The following LRRTM4 variants were observed in gnomAD, a reference collection of about 807,000 sequenced individuals.
LRRTM4 encodes the protein leucine-rich repeat transmembrane neuronal protein 4.
A neutral mutation model predicts 47.6 loss-of-function variants in LRRTM4; 25 were observed. The ratio of observed to expected loss-of-function variants is 0.53; its 90% CI spans 0.38 to 0.73. The LOEUF is 0.73. Ranked by LOEUF, LRRTM4 falls within the 30% of genes least tolerant of loss-of-function variation. The pLI, the probability that LRRTM4 is intolerant of heterozygous loss-of-function variation, is 0.00. For synonymous variants in LRRTM4, 311 were observed against 269.5 expected (o/e 1.15, Z -1.51); for missense variants, 638 against 713.4 (o/e 0.89, Z 1.20).
intron 3 of LRRTM4, among the ~76,000 whole-genome samples, chr2:76,775,905 G>A (rs1274121952): frequency 5.1e-4 from 35 of 68,360 alleles, no homozygotes; most frequent in South Asian, 1.2e-3. Flanking sequence ...TATCCCTCCC[G>A]CCTCCCCCCA....
chr2:77,295,421 G>A (rs541291183), intron 3 of LRRTM4, among the ~76,000 whole-genome samples: 6 of 152,158 alleles, frequency 3.9e-5, no homozygotes, highest in South Asian at 4.2e-4. Flanking sequence ...GAGCTCTTAC[G>A]TTTGTCACCA....
At chr2:76,958,553 T>C (rs1332703203) in intron 3 of LRRTM4, among the ~76,000 whole-genome samples, 9 of 151,742 alleles carry the variant, frequency 5.9e-5, no homozygotes, top group Admixed American at 5.9e-4. Context: ...TCCATTTCCA[T>C]ACAAGATCCT....
At chr2:76,868,354 T>C (rs1672523877) in intron 3 of LRRTM4, among the ~76,000 whole-genome samples, 1 of 152,206 alleles carries the variant, frequency 6.6e-6, no homozygotes, top group Admixed American at 6.5e-5. Flanking sequence ...TAATAACATC[T>C]CTCTGCGGAC....
intron 3 of LRRTM4, among the ~76,000 whole-genome samples, chr2:77,438,512 T>C (rs532091336): frequency 8.8e-5 from 13 of 148,532 alleles, no homozygotes; most frequent in Middle Eastern, 3.5e-3. Flanking sequence ...GTTCACGCCA[T>C]TCTCCTTCCT....
At chr2:76,975,332 T>G (rs966745556) in intron 3 of LRRTM4, among the ~76,000 whole-genome samples, 2 of 151,812 alleles carry the variant, frequency 1.3e-5, no homozygotes, top group East Asian at 1.9e-4. Context: ...CTTCACTTGC[T>G]CACTATGGAT....
At chr2:77,400,541 G>C (rs1558725533) in intron 3 of LRRTM4, among the ~76,000 whole-genome samples, 1 of 151,758 alleles carries the variant, frequency 6.6e-6, no homozygotes, top group Non-Finnish European at 1.5e-5. Context: ...TTCTTCTCTT[G>C]CTCTATTTCT....
chr2:77,366,843 A>G (rs1672479809), intron 3 of LRRTM4, among the ~76,000 whole-genome samples: 1 of 151,890 alleles, frequency 6.6e-6, no homozygotes, highest in South Asian at 2.1e-4. Flanking sequence ...TCAAGTTATC[A>G]CTGTCTCTGT....
chr2:76,910,744 C>T (rs1419178706), intron 3 of LRRTM4, among the ~76,000 whole-genome samples: 1 of 152,176 alleles, frequency 6.6e-6, no homozygotes, highest in Non-Finnish European at 1.5e-5. Context: ...TATGTAAAAA[C>T]AACCATGGTG....
intron 3 of LRRTM4, among the ~76,000 whole-genome samples, chr2:77,107,620 A>T (rs551171280): frequency 4.6e-5 from 7 of 152,196 alleles, no homozygotes; most frequent in African/African-American, 1.4e-4. Flanking sequence ...GGAGTTCGAG[A>T]CCAGCCTAAC....
chr2:77,037,049 A>C (rs1678861866), intron 3 of LRRTM4, among the ~76,000 whole-genome samples: 1 of 151,620 alleles, frequency 6.6e-6, no homozygotes, highest in Non-Finnish European at 1.5e-5. Flanking sequence ...CCTCAAAGGG[A>C]TGGAACTGTA....
At chr2:77,273,632 G>C (rs1205560354) in intron 3 of LRRTM4, among the ~76,000 whole-genome samples, 2 of 152,036 alleles carry the variant, frequency 1.3e-5, no homozygotes, top group Non-Finnish European at 2.9e-5. Context: ...TGTTTAAAGG[G>C]GTTGAATGTA....
intron 3 of LRRTM4, among the ~76,000 whole-genome samples, chr2:77,099,236 T>C (rs1305652415): frequency 6.6e-6 from 1 of 151,928 alleles, no homozygotes. Flanking sequence ...TATAGAATAA[T>C]GAAAACATTA....
chr2:77,412,453 C>T lies in LRRTM4; in HGVS notation c.1551+105865G>A, dbSNP rs1161777962. Among the ~76,000 whole-genome samples, 3 of 152,198 alleles carry T rather than the reference C, an allele frequency of 2.0e-5. No homozygotes were observed. In the South Asian group the frequency reaches 6.2e-4, roughly 31 times the overall value. On this transcript the variant is annotated intron_variant, in intron 3 of 3. Transcript: ENST00000409884. ...TTGCAAGCGTTTTGCAAGCAGCTAC[C>T]AGTGTTTAATCTTGGGATAATGCCT...
intron 3 of LRRTM4, among the ~76,000 whole-genome samples, chr2:77,249,946 A>G (rs1675556989): frequency 6.6e-6 from 1 of 152,234 alleles, no homozygotes; most frequent in Admixed American, 6.5e-5. Flanking sequence ...GAATGGATAA[A>G]TAAACTATGG....
chr2:76,828,422 G>A (rs1204661691), intron 3 of LRRTM4, among the ~76,000 whole-genome samples: 1 of 151,958 alleles, frequency 6.6e-6, no homozygotes, highest in African/African-American at 2.4e-5. Flanking sequence ...GAGACTCAGT[G>A]CTAATTCTCT....
chr2:77,402,164 G>T (rs1673985789), intron 3 of LRRTM4, among the ~76,000 whole-genome samples: 1 of 151,912 alleles, frequency 6.6e-6, no homozygotes, highest in Non-Finnish European at 1.5e-5. Context: ...AAAAATGTAT[G>T]AGACAGGGTC....
At chr2:77,504,460 G>C (rs796831586) in intron 3 of LRRTM4, among the ~76,000 whole-genome samples, 1 of 151,524 alleles carries the variant, frequency 6.6e-6, no homozygotes, top group Non-Finnish European at 1.5e-5. Context: ...AGAGAGTATT[G>C]GTGGAGGAAT....
intron 3 of LRRTM4, among the ~76,000 whole-genome samples, chr2:77,170,418 A>C (rs192382620): frequency 6.6e-6 from 1 of 152,154 alleles, no homozygotes; most frequent in African/African-American, 2.4e-5. Context: ...CAGTAACACC[A>C]ATGATCACGA....
At chr2:77,187,673 T>C (rs1342819436) in intron 3 of LRRTM4, among the ~76,000 whole-genome samples, 1 of 152,104 alleles carries the variant, frequency 6.6e-6, no homozygotes, top group Non-Finnish European at 1.5e-5. Flanking sequence ...TATTCTGGCT[T>C]TTTCTTTTAA....
Sources: gnomAD v4.1 joint callset for allele counts (sites outside exome capture counted in the v4.1 genomes callset) on GRCh38, gnomAD v4.1.1 for gene constraint, MANE v1.5 for transcripts, NCBI Gene and HGNC (gene_info 2026-07-23, HGNC 2026-07-21) for gene names.